DACH1: variants seen among roughly 807,000 people sequenced by gnomAD.
DACH1 encodes dachshund family transcription factor 1.
DACH1 carries 12 observed loss-of-function variants against 54.2 expected under a neutral mutation model. The ratio of observed to expected loss-of-function variants is 0.22; its 90% CI spans 0.14 to 0.36. The LOEUF (loss-of-function observed/expected upper bound fraction) is 0.36, where lower values mean the gene tolerates loss of function less well. Among genes scored for constraint, DACH1 ranks in the 10% least tolerant of loss-of-function variants. DACH1 has a pLI of 1.00. For synonymous variants in DACH1, 386 were observed against 366.2 expected, an observed-to-expected ratio of 1.05 and a Z score of -0.62; for missense variants, 805 against 929.8, an observed-to-expected ratio of 0.87 and a Z score of 1.75.
chr13:71,639,479 T>C (rs1211841950), intron 2 of DACH1, among the ~76,000 whole-genome samples: 2 of 152,108 alleles, frequency 1.3e-5, no homozygotes, highest in African/African-American at 2.4e-5. Flanking sequence ...TTTCAACTGA[T>C]TGAATTAGAT....
intron 4 of DACH1, among the ~76,000 whole-genome samples, chr13:71,564,137 C>A (rs1884762569): frequency 1.3e-5 from 2 of 151,542 alleles, no homozygotes; most frequent in South Asian, 4.2e-4. Context: ...ATAATGGAGA[C>A]AATAAAGAAT....
chr13:71,531,960 G>A (rs1882446828), intron 6 of DACH1, among the ~76,000 whole-genome samples: 3 of 151,626 alleles, frequency 2.0e-5, no homozygotes, highest in Admixed American at 1.3e-4. Flanking sequence ...ATGTATGTGT[G>A]TATATATATA....
chr13:71,492,073 A>G (rs1879024448), intron 6 of DACH1, among the ~76,000 whole-genome samples: 1 of 152,146 alleles, frequency 6.6e-6, no homozygotes, highest in African/African-American at 2.4e-5. Flanking sequence ...GCATTTGACA[A>G]TGTAATTTCT....
intron 1 of DACH1, among the ~76,000 whole-genome samples, chr13:71,755,041 T>C (rs936161827): frequency 2.6e-5 from 4 of 152,162 alleles, no homozygotes; most frequent in African/African-American, 4.8e-5. Flanking sequence ...ACTTTGTCTA[T>C]GAGTTTTATT....
chr13:71,554,240 C>A (rs1884093087), intron 6 of DACH1, among the ~76,000 whole-genome samples: 3 of 151,918 alleles, frequency 2.0e-5, no homozygotes, highest in Non-Finnish European at 1.5e-5. Flanking sequence ...AAAGAAGGTA[C>A]ACACAAGAGA....
At chr13:71,595,383 A>G (rs1182793999) in intron 3 of DACH1, among the ~76,000 whole-genome samples, 1 of 152,140 alleles carries the variant, frequency 6.6e-6, no homozygotes, top group East Asian at 1.9e-4. Flanking sequence ...CAGAGAAACT[A>G]CCTGATTTGA....
At chr13:71,811,741 CA>C (rs1275085391) in intron 1 of DACH1, among the ~76,000 whole-genome samples, 2 of 152,136 alleles carry the variant, frequency 1.3e-5, no homozygotes, top group Non-Finnish European at 2.9e-5. Flanking sequence ...CATCCTTTGG[CA>C]AAACATCTTG....
At chr13:71,501,184 G>A (rs1038045683) in intron 6 of DACH1, among the ~76,000 whole-genome samples, 6 of 152,006 alleles carry the variant, frequency 3.9e-5, no homozygotes, top group African/African-American at 9.7e-5. Context: ...ACTATAACTC[G>A]ATCTCTTCGG....
At position 71,806,423 on chromosome 13, in the gene DACH1, A is replaced by G. The variant is rs142598903; in HGVS notation, c.848+59499T>C. On this transcript the variant is annotated intron_variant, in intron 1 of 10. Transcript: ENST00000613252. ...GAACTTGTCACAAAATTAACTTAGA[A>G]TGTGAGAGAACATAAGCTGACAATT... Among the ~76,000 whole-genome samples, 808 of 152,326 alleles carry G rather than the reference A, an allele frequency of 5.3e-3. 3 individuals carry two copies. The highest frequency in any genetic ancestry group is 0.034 in the East Asian group (177 of 5,178).
intron 1 of DACH1, among the ~76,000 whole-genome samples, chr13:71,712,620 T>A (rs2138781806): frequency 6.6e-6 from 1 of 152,092 alleles, no homozygotes; most frequent in South Asian, 2.1e-4. Flanking sequence ...AACTTAGAGG[T>A]TGTTCCATGT....
intron 2 of DACH1, among the ~76,000 whole-genome samples, chr13:71,638,060 C>A (rs1877617956): frequency 2.0e-5 from 3 of 152,032 alleles, no homozygotes; most frequent in Non-Finnish European, 4.4e-5. Context: ...GGGTTATATC[C>A]AAGAGATGTT....
intron 3 of DACH1, among the ~76,000 whole-genome samples, chr13:71,619,911 T>C (rs1011217325): frequency 6.6e-6 from 1 of 151,964 alleles, no homozygotes; most frequent in African/African-American, 2.4e-5. Flanking sequence ...TTCTAGACGA[T>C]AGCTTTTTCT....
intron 1 of DACH1, among the ~76,000 whole-genome samples, chr13:71,733,837 G>A (rs920664502): frequency 4.6e-5 from 7 of 151,784 alleles, no homozygotes; most frequent in Non-Finnish European, 1.0e-4. Flanking sequence ...TTTCCTATAA[G>A]CCAAACCAAA....
intron 6 of DACH1, among the ~76,000 whole-genome samples, chr13:71,548,511 T>C (rs914346570): frequency 2.0e-5 from 3 of 152,174 alleles, no homozygotes; most frequent in African/African-American, 7.2e-5. Context: ...ACAAGTGTTT[T>C]ATAGTTCTTT....
chr13:71,789,641 G>A (rs758232587), intron 1 of DACH1, among the ~76,000 whole-genome samples: 20 of 151,984 alleles, frequency 1.3e-4, no homozygotes, highest in Admixed American at 8.5e-4. Flanking sequence ...CACACTACAC[G>A]CTAAAGGGCA....
chr13:71,777,026 CA>C (rs1442131727), intron 1 of DACH1, among the ~76,000 whole-genome samples: 4 of 152,136 alleles, frequency 2.6e-5, no homozygotes, highest in Admixed American at 6.6e-5. Flanking sequence ...TGTCTTATCC[CA>C]AATTATGCTA....
chr13:71,542,900 T>C (rs1883228124), intron 6 of DACH1, among the ~76,000 whole-genome samples: 2 of 152,140 alleles, frequency 1.3e-5, no homozygotes, highest in African/African-American at 4.8e-5. Flanking sequence ...TTTCAGGAGA[T>C]TAAAAGCTCA....
intron 6 of DACH1, among the ~76,000 whole-genome samples, chr13:71,522,668 A>C (rs1466497808): frequency 4.6e-5 from 7 of 152,076 alleles, no homozygotes; most frequent in Non-Finnish European, 1.5e-5. Context: ...CATTAATATG[A>C]GTAATAACTA....
In DACH1 at chr13:71,654,438, A is replaced by G. The variant is rs867508030; in HGVS notation, c.965-23721T>C. ...ATAAAATAAAATAAAATAAAATAAA[A>G]TAAAATAAAATAAAATAAAGTAAAA... is the stretch of plus-strand genomic sequence containing the variant. On this transcript the variant is annotated intron_variant, in intron 2 of 10. Transcript: ENST00000613252. Among the ~76,000 whole-genome samples, 15 of 139,290 alleles carry G rather than the reference A, an allele frequency of 1.1e-4. No individual in the cohort carries two copies. In the South Asian group the frequency reaches 1.2e-3, roughly 11 times the overall value. 91.4% of individuals were successfully genotyped at this position (139,290 alleles called of 152,430 possible).
Sources: allele counts gnomAD v4.1 joint callset (sites outside exome capture counted in the v4.1 genomes callset), GRCh38; gene constraint gnomAD v4.1.1; transcripts MANE v1.5; gene names NCBI Gene and HGNC (gene_info 2026-07-23, HGNC 2026-07-21).